Variants in CSMD1 observed in about 807,000 individuals in gnomAD.
CSMD1 encodes CUB and Sushi multiple domains 1.
A neutral mutation model predicts 417.5 loss-of-function variants in CSMD1; 213 were observed. The ratio of observed to expected loss-of-function variants is 0.51; its 90% CI spans 0.46 to 0.57. The LOEUF is 0.57. Among genes scored for constraint, CSMD1 ranks in the 20% least tolerant of loss-of-function variants. The pLI is 0.00. For missense variants in CSMD1, 6,923 were observed against 4,529.7 expected (o/e 1.53, Z -15.17); for synonymous variants, 2,862 against 1,736.8 (o/e 1.65, Z -16.11).
intron 3 of CSMD1, among the ~76,000 whole-genome samples, chr8:4,150,543 G>C (rs1031441950): frequency 1.2e-4 from 18 of 152,166 alleles, no homozygotes; most frequent in African/African-American, 4.1e-4. Context: ...CAAGTGTAAT[G>C]AATTAACATG....
At chr8:4,757,687 G>T (rs1201641293) in intron 1 of CSMD1, among the ~76,000 whole-genome samples, 1 of 152,084 alleles carries the variant, frequency 6.6e-6, no homozygotes, top group Non-Finnish European at 1.5e-5. Context: ...TGCTGGGCAT[G>T]GTGGCTTATG....
intron 59 of CSMD1, 27 bp from the exon 60 acceptor site, chr8:2,963,422 A>G (rs1387844550): frequency 6.2e-7 from 1 of 1,605,776 alleles, no homozygotes; most frequent in Non-Finnish European, 8.5e-7. Flanking sequence ...AACAAGATCA[A>G]CATTCCGGAG....
At chr8:4,072,235 A>G (rs942588081) in intron 3 of CSMD1, among the ~76,000 whole-genome samples, 7 of 152,344 alleles carry the variant, frequency 4.6e-5, no homozygotes, top group Non-Finnish European at 8.8e-5. Flanking sequence ...TTGCAAGTGA[A>G]GAAGGGTTGA....
At chr8:4,409,753 A>C (rs949861432) in intron 3 of CSMD1, among the ~76,000 whole-genome samples, 2 of 151,986 alleles carry the variant, frequency 1.3e-5, no homozygotes, top group African/African-American at 4.8e-5. Flanking sequence ...AGCACAGGGC[A>C]TAACTGTTCC....
chr8:3,884,507 T>G (rs971379056), intron 5 of CSMD1, among the ~76,000 whole-genome samples: 1 of 152,094 alleles, frequency 6.6e-6, no homozygotes, highest in Non-Finnish European at 1.5e-5. Context: ...ACCTGGATTC[T>G]CCTCCTTCGG....
At chr8:3,279,793 C>G (rs1054058651) in intron 26 of CSMD1, among the ~76,000 whole-genome samples, 1 of 152,078 alleles carries the variant, frequency 6.6e-6, no homozygotes, top group Non-Finnish European at 1.5e-5. Context: ...GGAGAAATGC[C>G]AGACCCTTAT....
chr8:4,570,893 T>A (rs901264609), intron 2 of CSMD1, among the ~76,000 whole-genome samples: 3 of 152,212 alleles, frequency 2.0e-5, no homozygotes, highest in African/African-American at 7.2e-5. Context: ...ACCCAGGAAT[T>A]TGTCCATTTC....
chr8:4,965,598 G>C (rs1435639509), intron 1 of CSMD1, among the ~76,000 whole-genome samples: 1 of 152,124 alleles, frequency 6.6e-6, no homozygotes, highest in Admixed American at 6.6e-5. Context: ...GAAAGAACTG[G>C]GTTTGTCCCT....
chr8:3,078,542 G>C (rs1813854142), intron 49 of CSMD1, among the ~76,000 whole-genome samples: 1 of 152,138 alleles, frequency 6.6e-6, no homozygotes, highest in Non-Finnish European at 1.5e-5. Flanking sequence ...TTTGATCCTG[G>C]GTTGGCAGAC....
chr8:3,505,137 T>A (rs1796770373), intron 10 of CSMD1, among the ~76,000 whole-genome samples: 1 of 152,152 alleles, frequency 6.6e-6, no homozygotes, highest in African/African-American at 2.4e-5. Flanking sequence ...AGTAAATTAT[T>A]GAAATCTGCC....
At chr8:3,702,526 C>G (rs1585100624) in intron 7 of CSMD1, among the ~76,000 whole-genome samples, 1 of 152,148 alleles carries the variant, frequency 6.6e-6, no homozygotes, top group Non-Finnish European at 1.5e-5. Flanking sequence ...GGTACTGTTA[C>G]CATCATTAAA....
At chr8:3,135,232 C>T (rs1321376628) in intron 41 of CSMD1, among the ~76,000 whole-genome samples, 1 of 152,180 alleles carries the variant, frequency 6.6e-6, no homozygotes, top group Non-Finnish European at 1.5e-5. Flanking sequence ...CTCTTCCAAA[C>T]CAACTAATAA....
chr8:3,104,361 A>T (rs34721308), intron 46 of CSMD1, among the ~76,000 whole-genome samples: 5 of 151,980 alleles, frequency 3.3e-5, no homozygotes, highest in Non-Finnish European at 7.4e-5. Context: ...TTTGCACCCA[A>T]TGCAATCCCC....
chr8:4,407,115 A>T (rs1281191285), intron 3 of CSMD1, among the ~76,000 whole-genome samples: 1 of 152,200 alleles, frequency 6.6e-6, no homozygotes, highest in African/African-American at 2.4e-5. Context: ...AGAGTTGGGT[A>T]GTTACCACAG....
At chr8:3,254,649 C>G (rs1388564418) in intron 26 of CSMD1, among the ~76,000 whole-genome samples, 2 of 152,162 alleles carry the variant, frequency 1.3e-5, no homozygotes, top group Non-Finnish European at 2.9e-5. Context: ...ACCCTTTCTT[C>G]TAGTTGACCG....
intron 2 of CSMD1, among the ~76,000 whole-genome samples, chr8:4,453,275 A>G (rs995422707): frequency 3.9e-5 from 6 of 151,942 alleles, no homozygotes; most frequent in African/African-American, 1.5e-4. Context: ...AATGTAACCA[A>G]AACATGAATT....
intron 3 of CSMD1, among the ~76,000 whole-genome samples, chr8:4,322,658 C>T (rs577067365): frequency 3.3e-5 from 5 of 152,272 alleles, no homozygotes; most frequent in East Asian, 1.9e-4. Flanking sequence ...TAATCACTGT[C>T]TACAGAATAT....
intron 26 of CSMD1, among the ~76,000 whole-genome samples, chr8:3,236,414 A>G (rs1218793480): frequency 6.6e-6 from 1 of 152,212 alleles, no homozygotes; most frequent in Non-Finnish European, 1.5e-5. Flanking sequence ...AGATTGGACT[A>G]AAAAACCAAT....
chr8:3,334,371 C>G (rs527782271), intron 23 of CSMD1, among the ~76,000 whole-genome samples: 7 of 152,288 alleles, frequency 4.6e-5, no homozygotes, highest in East Asian at 1.9e-4. Context: ...AATGACAATG[C>G]TTAGTGCTTC....
Sources: gnomAD v4.1 joint callset for allele counts (sites outside exome capture counted in the v4.1 genomes callset) on GRCh38, gnomAD v4.1.1 for gene constraint, MANE v1.5 for transcripts, NCBI Gene and HGNC (gene_info 2026-07-23, HGNC 2026-07-21) for gene names.